TNNI3K: variants seen among roughly 807,000 people sequenced by gnomAD.
TNNI3K encodes serine/threonine-protein kinase TNNI3K.
A neutral mutation model predicts 114.5 loss-of-function variants in TNNI3K; 140 were observed. The ratio of observed to expected loss-of-function variants is 1.22; its 90% confidence interval spans 1.07 to 1.41. The LOEUF (loss-of-function observed/expected upper bound fraction) is 1.41. Among genes scored for constraint, TNNI3K ranks in the 40% most tolerant of loss-of-function variants. The pLI is 0.00. For missense variants in TNNI3K, 1,125 were observed against 1,007.6 expected (o/e 1.12, Z -1.58); for synonymous variants, 347 against 347.5 (o/e 1.00, Z 0.02).
At chr1:74,424,734 A>AAAG (rs1665552272) in intron 17 of TNNI3K, among the ~76,000 whole-genome samples, 1 of 151,422 alleles carries the variant, frequency 6.6e-6, no homozygotes, top group Admixed American at 6.6e-5. Context: ...AAAAAAAAAA[A>AAAG]AGAGAGAGAC....
At position 74,515,200 on chromosome 1, in the gene TNNI3K, T is replaced by C. The variant is rs561682538; in HGVS notation, c.2351+22934T>C. Among the ~76,000 whole-genome samples the C allele has an allele frequency of 3.1e-4, 47 of 152,186 alleles. 1 individual carries two copies. The highest frequency in any genetic ancestry group is 5.3e-4 in the Non-Finnish European group (36 of 68,038). On this transcript the variant is annotated intron_variant, in intron 23 of 24. Coordinates refer to ENST00000326637, the MANE Select transcript of TNNI3K (RefSeq NM_015978.3). ...AAGCCTTCAGGTGTTTGGAACTTTC[T>C]TATGGCAGCCCTAGGAAATGAATAC...
chr1:74,382,274 A>T lies in TNNI3K; in HGVS notation c.1772+11882A>T, dbSNP rs528051417. On this transcript the variant is annotated intron_variant, in intron 17 of 24. Coordinates refer to ENST00000326637, the MANE Select transcript of TNNI3K (RefSeq NM_015978.3). ...GACGTTTTTCTGCTTCAGATTTCTG[A>T]TTTACAAAATGGAAATAATGATGTC... Among the ~76,000 whole-genome samples the T allele has an allele frequency of 6.6e-5, 10 of 152,238 alleles. No homozygotes were observed. In the East Asian group the frequency reaches 1.9e-3, roughly 29 times the overall value.
At chr1:74,337,745 C>T (rs1218353358) in intron 7 of TNNI3K, among the ~76,000 whole-genome samples, 1 of 151,920 alleles carries the variant, frequency 6.6e-6, no homozygotes, top group African/African-American at 2.4e-5. Flanking sequence ...ACTTTACCAC[C>T]AAAGGTAATT....
intron 20 of TNNI3K, among the ~76,000 whole-genome samples, chr1:74,440,171 G>A (rs1666314041): frequency 6.6e-6 from 1 of 151,956 alleles, no homozygotes; most frequent in Non-Finnish European, 1.5e-5. Flanking sequence ...TACACATTAT[G>A]CTTTGCTCAT....
intron 23 of TNNI3K, among the ~76,000 whole-genome samples, chr1:74,519,029 C>T (rs1646394000): frequency 9.3e-6 from 1 of 106,988 alleles, no homozygotes; most frequent in East Asian, 2.7e-4. Context: ...CTATCCCTTC[C>T]CCCTCCCCCG....
chr1:74,454,770 G>A (rs1557577014), intron 20 of TNNI3K, among the ~76,000 whole-genome samples: 1 of 152,162 alleles, frequency 6.6e-6, no homozygotes, highest in Middle Eastern at 3.4e-3. Flanking sequence ...TAGTACAATT[G>A]TTAGTTTTTT....
rs571071392 is a variant in TNNI3K at position 74,270,552 on chromosome 1, C to A, written c.334-1046C>A. ...TAATTTTACTATTTGTAGCTCTTTACCAAAGTTTTTTCATTTTTTAGAATT... is the reference window on the plus strand; with the variant it reads ...TAATTTTACTATTTGTAGCTCTTTAACAAAGTTTTTTCATTTTTTAGAATT... On this transcript the variant is annotated intron_variant, in intron 4 of 24. Coordinates refer to ENST00000326637, the MANE Select transcript of TNNI3K (RefSeq NM_015978.3). Among the ~76,000 whole-genome samples the A allele has an allele frequency of 2.0e-5, 3 of 151,742 alleles. No homozygotes were observed. In the South Asian group the frequency reaches 6.2e-4, roughly 32 times the overall value.
In TNNI3K at chr1:74,277,249, A is replaced by G. The variant is rs527906015; in HGVS notation, c.444+5541A>G. Among the ~76,000 whole-genome samples the G allele has an allele frequency of 3.3e-5, 5 of 152,240 alleles. No individual in the cohort carries two copies. In the South Asian group the frequency reaches 1.0e-3, roughly 32 times the overall value. ...AACTGAGGACTGGAGAAGCTGAATGACATCTACATGGGCATTCAGATGATA... is the reference window on the plus strand; with the variant it reads ...AACTGAGGACTGGAGAAGCTGAATGGCATCTACATGGGCATTCAGATGATA... On this transcript the variant is annotated intron_variant, in intron 5 of 24. Coordinates refer to ENST00000326637, the MANE Select transcript of TNNI3K (RefSeq NM_015978.3).
At chr1:74,529,426 C>T (rs1514173) in intron 23 of TNNI3K, among the ~76,000 whole-genome samples, 75,393 of 151,940 alleles carry the variant, frequency 0.5, 19,504 homozygotes, top group East Asian at 0.73. Context: ...AAAAATGTCA[C>T]GGTTAGGAAA....
intron 23 of TNNI3K, among the ~76,000 whole-genome samples, chr1:74,533,655 A>G (rs1646621609): frequency 6.6e-6 from 1 of 152,000 alleles, no homozygotes; most frequent in Admixed American, 6.6e-5. Context: ...AAGACTTGGA[A>G]CCAACCCAAA....
At chr1:74,292,315 T>C (rs1201835644) in intron 5 of TNNI3K, among the ~76,000 whole-genome samples, 1 of 151,572 alleles carries the variant, frequency 6.6e-6, no homozygotes, top group Admixed American at 6.6e-5. Context: ...GATGCATAGC[T>C]TAGCTTATTA....
chr1:74,304,150 A>G (rs1658485586), intron 5 of TNNI3K, among the ~76,000 whole-genome samples: 1 of 152,262 alleles, frequency 6.6e-6, no homozygotes, highest in African/African-American at 2.4e-5. Flanking sequence ...AAATAGTGGA[A>G]GTGCTTGAGA....
chr1:74,377,777 A>T (rs1195132788), intron 17 of TNNI3K, among the ~76,000 whole-genome samples: 4 of 151,962 alleles, frequency 2.6e-5, no homozygotes, highest in Non-Finnish European at 5.9e-5. Flanking sequence ...AATTCTAAGT[A>T]ATTTGCTCCC....
intron 2 of TNNI3K, among the ~76,000 whole-genome samples, chr1:74,238,113 G>A (rs773066129): frequency 1.3e-5 from 2 of 151,968 alleles, no homozygotes; most frequent in Non-Finnish European, 2.9e-5. Flanking sequence ...GTAAAGGTGT[G>A]TAGGCAAGAA....
chr1:74,518,873 C>CTTTTTTTTTTTTTTTT (rs1646388103), intron 23 of TNNI3K, among the ~76,000 whole-genome samples: 2 of 100,358 alleles, frequency 2.0e-5, no homozygotes, highest in Non-Finnish European at 1.8e-5. Context: ...TTTTTTTTCC[C>CTTTTTTTTTTTTTTTT]CTTTTTTTTT....
intron 2 of TNNI3K, among the ~76,000 whole-genome samples, chr1:74,238,477 A>G (rs1653992625): frequency 6.6e-6 from 1 of 152,064 alleles, no homozygotes; most frequent in Admixed American, 6.6e-5. Context: ...AGTTTGAAGG[A>G]TAGAAGACTT....
intron 9 of TNNI3K, among the ~76,000 whole-genome samples, chr1:74,351,180 AGT>A: frequency 6.6e-6 from 1 of 152,138 alleles, no homozygotes; most frequent in South Asian, 2.1e-4. Flanking sequence ...AAAATCTCTC[AGT>A]ATTTGCTTGT....
At chr1:74,516,397 GT>G (rs1557621453) in intron 23 of TNNI3K, among the ~76,000 whole-genome samples, 1 of 152,234 alleles carries the variant, frequency 6.6e-6, no homozygotes, top group Non-Finnish European at 1.5e-5. Flanking sequence ...GATGAGAATA[GT>G]TGAGTCAGGA....
At chr1:74,525,410 A>G (rs1646490274) in intron 23 of TNNI3K, among the ~76,000 whole-genome samples, 1 of 152,186 alleles carries the variant, frequency 6.6e-6, no homozygotes. Flanking sequence ...GACAGCAGCT[A>G]GGAAGTAGAG....
Sources: gnomAD v4.1 joint callset for allele counts (sites outside exome capture counted in the v4.1 genomes callset) on GRCh38, gnomAD v4.1.1 for gene constraint, MANE v1.5 for transcripts, NCBI Gene and HGNC (gene_info 2026-07-23, HGNC 2026-07-21) for gene names.